PTAFR: variants seen among roughly 807,000 people sequenced by gnomAD.
PTAFR encodes platelet-activating factor receptor.
PTAFR carries 8 observed loss-of-function variants against 14.7 expected under a neutral mutation model. The observed-to-expected ratio is 0.54, with a 90% CI of 0.32 to 0.98. The LOEUF (loss-of-function observed/expected upper bound fraction) is 0.98. Ranked by LOEUF, PTAFR falls within the 50% of genes least tolerant of loss-of-function variation. PTAFR has a pLI of 0.04. For missense variants in PTAFR, 337 were observed against 451.2 expected (o/e 0.75, Z 2.29); for synonymous variants, 156 against 176.5 (o/e 0.88, Z 0.92).
At chr1:28,152,077 TG>T (rs200557555) in intron 1 of PTAFR, among the ~76,000 whole-genome samples, 3,091 of 152,000 alleles carry the variant, frequency 0.02, 105 homozygotes, top group African/African-American at 0.069. Context: ...TTGTATTTTT[TG>T]TAGGGAAGGG....
Position 28,150,601 on chromosome 1 carries a change from T to A in PTAFR, c.421A>T (p.Ile141Phe). ...RKRGISLSLV[I>F]WVAIVGAASY... Reference sequence around the variant, plus strand: ...GCAGCTCCCACAATGGCCACCCAGATGACCAAGGACAAAGAGATGCCACGC... The same window carrying A: ...GCAGCTCCCACAATGGCCACCCAGAAGACCAAGGACAAAGAGATGCCACGC... Residue 141 changes from isoleucine (I) to phenylalanine (F), a missense_variant, in exon 2 of 2, where the codon ATC (isoleucine) becomes TTC (phenylalanine). Coordinates refer to ENST00000373857, the MANE Select transcript of PTAFR (RefSeq NM_000952.5). This position sits in a 1 kb window ranked among gnomAD's most constrained non-coding sequence, Gnocchi z 6.3. 6.2e-7 allele frequency: 1 copy of A among 1,614,138 alleles called. No individual in the cohort carries two copies. The highest frequency in any genetic ancestry group is 1.1e-5 in the South Asian group (1 of 91,068).
chr1:28,172,957 A>T (rs1387860028), intron 1 of PTAFR, among the ~76,000 whole-genome samples: 3 of 152,046 alleles, frequency 2.0e-5, no homozygotes, highest in Non-Finnish European at 4.4e-5. Context: ...GTACATTGAA[A>T]TGGACTTTAT....
intron 1 of PTAFR, among the ~76,000 whole-genome samples, chr1:28,171,744 C>T (rs1646456853): frequency 6.6e-6 from 1 of 152,030 alleles, no homozygotes; most frequent in Non-Finnish European, 1.5e-5. Flanking sequence ...ACCCAGTGTT[C>T]CTTCTCATTG....
chr1:28,169,655 G>A (rs1646430509), intron 1 of PTAFR, among the ~76,000 whole-genome samples: 1 of 152,092 alleles, frequency 6.6e-6, no homozygotes, highest in South Asian at 2.1e-4. Flanking sequence ...TAATACCCAG[G>A]CACATACCTC....
chr1:28,175,395 G>A (rs574155693), intron 1 of PTAFR, among the ~76,000 whole-genome samples: 8 of 152,130 alleles, frequency 5.3e-5, no homozygotes, highest in African/African-American at 1.9e-4. Flanking sequence ...CCTAAAGATA[G>A]TGGTGTCTCT....
chr1:28,172,951 A>G (rs1029819841), intron 1 of PTAFR, among the ~76,000 whole-genome samples: 1 of 152,034 alleles, frequency 6.6e-6, no homozygotes, highest in Non-Finnish European at 1.5e-5. Flanking sequence ...CACTTGGTAC[A>G]TTGAAATGGA....
At chr1:28,154,122 G>T (rs1471649907) in intron 1 of PTAFR, among the ~76,000 whole-genome samples, 1 of 149,428 alleles carries the variant, frequency 6.7e-6, no homozygotes. Flanking sequence ...TGAGACACAA[G>T]GAAGACAACA....
At chr1:28,168,173 G>T (rs1180907994) in intron 1 of PTAFR, among the ~76,000 whole-genome samples, 5 of 142,850 alleles carry the variant, frequency 3.5e-5, no homozygotes, top group Non-Finnish European at 7.5e-5. Flanking sequence ...GGGTTTCACC[G>T]TGTTAGCCAG....
rs562783088 is a variant in PTAFR, at chr1:28,152,539, T to G, written c.-38-1480A>C. Among the ~76,000 whole-genome samples the G allele has an allele frequency of 2.2e-3, 327 of 152,050 alleles. 1 individual carries two copies. The highest frequency in any genetic ancestry group is 7.6e-3 in the African/African-American group (316 of 41,496). On this transcript the variant is annotated intron_variant, in intron 1 of 1. Coordinates refer to ENST00000373857, the MANE Select transcript of PTAFR (RefSeq NM_000952.5). Reference sequence around the variant, plus strand: ...GGGTGGATCTCCTGATGTCAGGAGTTCGAGACCAGCCTGGCCAACATTATG... The same window carrying G: ...GGGTGGATCTCCTGATGTCAGGAGTGCGAGACCAGCCTGGCCAACATTATG...
At chr1:28,180,771 T>C (rs1442828255), upstream of PTAFR, among the ~76,000 whole-genome samples, 1 of 151,828 alleles carries the variant, frequency 6.6e-6, no homozygotes, top group Non-Finnish European at 1.5e-5. Context: ...ATAAACAAAA[T>C]GTCCATATAT....
At chr1:28,158,264 C>T (rs1005155309) in intron 1 of PTAFR, among the ~76,000 whole-genome samples, 6 of 151,928 alleles carry the variant, frequency 3.9e-5, no homozygotes, top group African/African-American at 7.3e-5. Flanking sequence ...TTTGATAGTG[C>T]GAGGAGAGAG....
chr1:28,150,702 A>T lies in PTAFR; in HGVS notation c.320T>A (p.Phe107Tyr). Residue 107 changes from phenylalanine (F) to tyrosine (Y), a missense_variant, in exon 2 of 2, where the codon TTC becomes TAC. Physicochemically the swap from Phe to Tyr is conservative, Grantham distance 22. Coordinates refer to ENST00000373857, the MANE Select transcript of PTAFR (RefSeq NM_000952.5). The surrounding 1 kb of genome is among the most constrained non-coding windows in gnomAD (Gnocchi z 6.3). ...GCGGTTATAAGTGATGACGCCCAGGAAGGCCACAGAGCAGTAGGTGTTGAT... is the reference window on the plus strand; with the variant it reads ...GCGGTTATAAGTGATGACGCCCAGGTAGGCCACAGAGCAGTAGGTGTTGAT... ...FFINTYCSVA[F>Y]LGVITYNRFQ... The T allele has an allele frequency of 6.2e-7, 1 of 1,614,164 alleles. No individual in the cohort carries two copies. Among genetic ancestry groups the T allele is most frequent in the Middle Eastern group, 1.6e-4 (1 of 6,062 alleles).
intron 1 of PTAFR, among the ~76,000 whole-genome samples, chr1:28,183,819 A>G (rs11247759): frequency 0.35 from 53,690 of 151,682 alleles, 10,714 homozygotes; most frequent in African/African-American, 0.54. Flanking sequence ...CCCGGGAGGC[A>G]GAGGTTGCAG....
rs1344077100 is a variant in PTAFR at position 28,154,793 on chromosome 1, C to G, written c.-38-3734G>C. On this transcript the variant is annotated intron_variant, in intron 1 of 1. Transcript: ENST00000373857. ...TGCCTTTGCGCTCCAGCCTGGGTGACAGAGCAAGACTCTGTCTCAAAAAAA... is the reference window on the plus strand; with the variant it reads ...TGCCTTTGCGCTCCAGCCTGGGTGAGAGAGCAAGACTCTGTCTCAAAAAAA... 2.8e-5 allele frequency among the ~76,000 whole-genome samples: 3 copies of G among 106,838 alleles called. No homozygotes were observed. The East Asian group carries it at 9.0e-4, about 32-fold the overall frequency. 70.1% of individuals were successfully genotyped at this position (106,838 alleles called of 152,430 possible).
intron 1 of PTAFR, among the ~76,000 whole-genome samples, chr1:28,190,037 A>G (rs1187927479): frequency 6.6e-6 from 1 of 150,424 alleles, no homozygotes; most frequent in African/African-American, 2.5e-5. Context: ...CAGTGGTGCA[A>G]TCTCGGCTCA....
At chr1:28,165,202 T>C (rs988488684) in intron 1 of PTAFR, among the ~76,000 whole-genome samples, 2 of 151,662 alleles carry the variant, frequency 1.3e-5, no homozygotes, top group Admixed American at 1.3e-4. Flanking sequence ...TTCAGGAGTT[T>C]GAGACCAGCC....
At chr1:28,180,848 A>G (rs907623679), upstream of PTAFR, among the ~76,000 whole-genome samples, 7 of 152,186 alleles carry the variant, frequency 4.6e-5, no homozygotes, top group African/African-American at 1.7e-4. Flanking sequence ...GTAAAGAAAA[A>G]GAGAAGAAAT....
Position 28,151,746 on chromosome 1 carries a change from C to T in PTAFR, c.-38-687G>A, listed in dbSNP as rs969548105. Among the ~76,000 whole-genome samples the T allele has an allele frequency of 2.6e-5, 4 of 152,102 alleles. No homozygotes were observed. In the East Asian group the frequency reaches 7.7e-4, roughly 29 times the overall value. On this transcript the variant is annotated intron_variant, in intron 1 of 1. Coordinates refer to ENST00000373857, the MANE Select transcript of PTAFR (RefSeq NM_000952.5). Reference sequence around the variant, plus strand: ...TATTGCCCTTTTTGTCTTTCCATCCCTTTTGCCATGTGAGGTCACAGCTTT... The same window carrying T: ...TATTGCCCTTTTTGTCTTTCCATCCTTTTTGCCATGTGAGGTCACAGCTTT...
intron 1 of PTAFR, among the ~76,000 whole-genome samples, chr1:28,153,054 G>A (rs1017246185): frequency 2.0e-5 from 3 of 152,312 alleles, no homozygotes; most frequent in African/African-American, 7.2e-5. Context: ...CAGCATTTGG[G>A]AGGCCAAGGT....
Sources: allele counts gnomAD v4.1 joint callset (sites outside exome capture counted in the v4.1 genomes callset), GRCh38; gene constraint gnomAD v4.1.1; non-coding constraint Gnocchi (gnomAD v3.1); transcripts MANE v1.5; gene names NCBI Gene and HGNC (gene_info 2026-07-23, HGNC 2026-07-21).